Variants in KLF13 observed in about 807,000 individuals in gnomAD.
The protein encoded by KLF13 is Krueppel-like factor 13.
A neutral mutation model predicts 16.7 loss-of-function variants in KLF13; 8 were observed. That is an observed-to-expected ratio of 0.48 (90% CI 0.28 to 0.87). The LOEUF is 0.87. Ranked by LOEUF, KLF13 falls within the 40% of genes least tolerant of loss-of-function variation. The probability of loss-of-function intolerance (pLI) is 0.10; values close to 1 mark genes in which losing one functional copy is unlikely to be tolerated. For missense variants in KLF13, 447 were observed against 452.2 expected (o/e 0.99, Z 0.10); for synonymous variants, 245 against 208.4 (o/e 1.18, Z -1.51).
rs2039581002 is a variant in KLF13, at chr15:31,372,991, G to A, written c.*692G>A. ...CCTGCCTCACACCCCGCCTTCAGGAGCCCTCTCCTACGGCGCTAGGGAGCA... is the reference window on the plus strand; with the variant it reads ...CCTGCCTCACACCCCGCCTTCAGGAACCCTCTCCTACGGCGCTAGGGAGCA... On this transcript the variant is annotated 3_prime_UTR_variant, in exon 2 of 2. Transcript: ENST00000307145. 3 of 152,592 alleles carry A rather than the reference G, an allele frequency of 2.0e-5. No individual in the cohort carries two copies. The highest frequency in any genetic ancestry group is 7.2e-5 in the African/African-American group (3 of 41,478). The allele number at this position is 152,592 out of a possible 1,614,324, so 9.5% of individuals were successfully genotyped here.
rs923037048 is a variant in KLF13 at position 31,373,565 on chromosome 15, C to T, written c.*1266C>T. The T allele has an allele frequency of 1.3e-5, 2 of 152,412 alleles. No homozygotes were observed. Among genetic ancestry groups the T allele is most frequent in the Non-Finnish European group, 2.9e-5 (2 of 68,132 alleles). The allele number at this position is 152,412 out of a possible 1,614,324, so 9.4% of individuals were successfully genotyped here. ...CCCTGGACTCCTCCTCCCTTTTCCTCCTGCTTCTCCTTGTCCTGCCTGGAG... is the reference window on the plus strand; with the variant it reads ...CCCTGGACTCCTCCTCCCTTTTCCTTCTGCTTCTCCTTGTCCTGCCTGGAG... On this transcript the variant is annotated 3_prime_UTR_variant, in exon 2 of 2. Transcript: ENST00000307145.
intron 1 of KLF13, among the ~76,000 whole-genome samples, chr15:31,342,633 A>G (rs2039046719): frequency 6.6e-6 from 1 of 152,212 alleles, no homozygotes; most frequent in Non-Finnish European, 1.5e-5. Flanking sequence ...TCGTTTCCAC[A>G]GGCATTCCAC....
chr15:31,412,305 TGTAAGTTATCTGGTCTATG>T (rs1372318616), intron 1 of KLF13, among the ~76,000 whole-genome samples: 1 of 152,228 alleles, frequency 6.6e-6, no homozygotes, highest in Non-Finnish European at 1.5e-5. Flanking sequence ...TTGTGTTGTT[TGTAAGTTATCTGGTCTATG>T]GTAATTTGTT....
At chr15:31,346,857 T>A (rs886787068) in intron 1 of KLF13, among the ~76,000 whole-genome samples, 3 of 152,140 alleles carry the variant, frequency 2.0e-5, no homozygotes, top group Non-Finnish European at 4.4e-5. Context: ...TGCACCCCTC[T>A]GTGCTGGCGG....
chr15:31,390,004 T>C (rs1049873046), upstream of KLF13, among the ~76,000 whole-genome samples: 4 of 152,234 alleles, frequency 2.6e-5, no homozygotes, highest in Non-Finnish European at 5.9e-5. Flanking sequence ...ACAGTGGAAG[T>C]TGAATTTTGT....
intron 2 of KLF13, among the ~76,000 whole-genome samples, chr15:31,395,501 G>C (rs1204091962): frequency 2.0e-5 from 3 of 151,660 alleles, no homozygotes; most frequent in Non-Finnish European, 4.4e-5. Flanking sequence ...CATTTCTCTC[G>C]GGTATACACC....
intron 1 of KLF13, chr15:31,393,370 G>C (rs1237231355): frequency 6.6e-6 from 1 of 152,638 alleles, no homozygotes; most frequent in African/African-American, 2.4e-5. Context: ...TCCCCCATGA[G>C]AGGCCTTCCC....
chr15:31,419,281 C>CCAAT (rs58832669), intron 1 of KLF13, among the ~76,000 whole-genome samples: 142,057 of 151,916 alleles, frequency 0.94, 66,566 homozygotes, highest in East Asian at 1. Context: ...GAAAAATGGC[C>CCAAT]CAAAGGAACA....
chr15:31,356,494 A>G (rs1356270084), intron 1 of KLF13, among the ~76,000 whole-genome samples: 1 of 152,212 alleles, frequency 6.6e-6, no homozygotes, highest in Non-Finnish European at 1.5e-5. Context: ...AGAGGTTTCA[A>G]TGAGCCAAGA....
At chr15:31,352,398 C>T (rs529914376) in intron 1 of KLF13, among the ~76,000 whole-genome samples, 15 of 152,376 alleles carry the variant, frequency 9.8e-5, no homozygotes, top group African/African-American at 3.6e-4. Flanking sequence ...CAGACCTGAC[C>T]GTACCAGTGA....
In KLF13 at chr15:31,327,324, G is replaced by C. The variant is rs1193993802; in HGVS notation, c.112G>C (p.Ala38Pro). The part of the protein sequence containing the change: ...REGPESRPEG[A>P]AVAATPTLPR... ...GGGGCCGGAGTCCCGGCCCGAGGGCGCGGCCGTGGCCGCCACCCCCACGCT... is the reference window on the plus strand; with the variant it reads ...GGGGCCGGAGTCCCGGCCCGAGGGCCCGGCCGTGGCCGCCACCCCCACGCT... The change falls in exon 1 of 2, where the codon GCG becomes CCG. Residue 38 changes from alanine (A) to proline (P), a missense_variant. Around this residue, in one of 2 missense-constraint regions of KLF13, gnomAD observed 359 missense variants for 282.8 expected, o/e 1.27. Coordinates refer to ENST00000307145, the MANE Select transcript of KLF13 (RefSeq NM_015995.4). 8.6e-6 allele frequency: 11 copies of C among 1,281,576 alleles called. No individual in the cohort carries two copies. Among genetic ancestry groups the C allele is most frequent in the African/African-American group, 6.3e-5 (4 of 63,672 alleles). 79.4% of individuals were successfully genotyped at this position (1,281,576 alleles called of 1,614,324 possible).
rs139034517 is a variant in KLF13, at chr15:31,384,295, C to T, written n.224-51075C>T. On this transcript the variant is annotated intron_variant and non_coding_transcript_variant, in intron 1 of 1. Transcript: ENST00000558921. ...CTCTACTAAAAATACAAAAATTAGC[C>T]GGGTGTGGTGCCTGTAATCCCAGCT... Among the ~76,000 whole-genome samples, 1,508 of 151,782 alleles carry T rather than the reference C, an allele frequency of 9.9e-3. 25 individuals carry two copies. The highest frequency in any genetic ancestry group is 0.035 in the African/African-American group (1,433 of 41,360).
At chr15:31,387,203 C>T (rs2039804897) in intron 1 of KLF13, among the ~76,000 whole-genome samples, 1 of 152,186 alleles carries the variant, frequency 6.6e-6, no homozygotes, top group Admixed American at 6.5e-5. Flanking sequence ...GCATTGCACA[C>T]TACAGAGAAG....
chr15:31,348,684 T>G (rs570379066), intron 1 of KLF13, among the ~76,000 whole-genome samples: 86 of 152,210 alleles, frequency 5.7e-4, no homozygotes, highest in Middle Eastern at 3.4e-3. Flanking sequence ...GTGGGGTGTC[T>G]CGGTGCTGGC....
intron 1 of KLF13, among the ~76,000 whole-genome samples, chr15:31,386,701 T>G (rs2039800265): frequency 6.6e-6 from 1 of 152,188 alleles, no homozygotes; most frequent in Non-Finnish European, 1.5e-5. Context: ...TCTAGGACTT[T>G]CAAAGCTAGA....
At chr15:31,404,944 C>T (rs1292697080), downstream of KLF13, among the ~76,000 whole-genome samples, 1 of 152,200 alleles carries the variant, frequency 6.6e-6, no homozygotes, top group Non-Finnish European at 1.5e-5. Flanking sequence ...GAGCTCTTTG[C>T]TCTAATCCCA....
chr15:31,428,814 A>AG (rs2040432228), intron 1 of KLF13, among the ~76,000 whole-genome samples: 1 of 147,486 alleles, frequency 6.8e-6, no homozygotes, highest in Non-Finnish European at 1.5e-5. Context: ...AAAAAAAAAA[A>AG]AAAAAAAAAA....
intron 1 of KLF13, among the ~76,000 whole-genome samples, chr15:31,358,461 T>C (rs2039334044): frequency 6.6e-6 from 1 of 152,246 alleles, no homozygotes; most frequent in African/African-American, 2.4e-5. Flanking sequence ...TAAATATGTA[T>C]AGTGATATCT....
chr15:31,361,106 C>A (rs2039376659), intron 1 of KLF13, among the ~76,000 whole-genome samples: 1 of 152,200 alleles, frequency 6.6e-6, no homozygotes, highest in Non-Finnish European at 1.5e-5. Context: ...GCCCACATGC[C>A]CCCAGCCTGG....
Sources: gnomAD v4.1 joint callset for allele counts (sites outside exome capture counted in the v4.1 genomes callset) on GRCh38, gnomAD v4.1.1 for gene constraint, gnomAD v4.1.1 regional missense constraint, MANE v1.5 for transcripts, NCBI Gene and HGNC (gene_info 2026-07-23, HGNC 2026-07-21) for gene names.